Variants in GRID1 observed in about 807,000 individuals in gnomAD.
GRID1 encodes glutamate ionotropic receptor delta type subunit 1, also known as glutamate receptor ionotropic, delta-1.
In GRID1, 28 loss-of-function variants were observed where a neutral mutation model predicts 98.0. That is an observed-to-expected ratio of 0.29 (90% CI 0.21 to 0.39). The LOEUF (loss-of-function observed/expected upper bound fraction) is 0.39. Ranked by LOEUF, GRID1 falls within the 10% of genes least tolerant of loss-of-function variation. The probability of loss-of-function intolerance (pLI) is 1.00; values close to 1 mark genes in which losing one functional copy is unlikely to be tolerated. For synonymous variants in GRID1, 553 were observed against 538.5 expected (o/e 1.03, Z -0.37); for missense variants, 1,111 against 1,340.5 (o/e 0.83, Z 2.67).
At chr10:85,803,770 A>G (rs986774067) in intron 8 of GRID1, among the ~76,000 whole-genome samples, 4 of 152,066 alleles carry the variant, frequency 2.6e-5, no homozygotes, top group Non-Finnish European at 5.9e-5. Context: ...ACAAGCATCA[A>G]TACATAATAA....
At chr10:86,255,117 C>T (rs1846897641) in intron 2 of GRID1, among the ~76,000 whole-genome samples, 2 of 152,254 alleles carry the variant, frequency 1.3e-5, no homozygotes, top group Non-Finnish European at 2.9e-5. Flanking sequence ...TGTCACCCCA[C>T]ACCCTTGTCC....
intron 8 of GRID1, among the ~76,000 whole-genome samples, chr10:85,791,430 A>G (rs1392542703): frequency 6.6e-6 from 1 of 152,238 alleles, no homozygotes; most frequent in Non-Finnish European, 1.5e-5. Context: ...AAGTGAATCA[A>G]AAACTTGGAA....
chr10:85,621,861 C>A (rs950511457), intron 13 of GRID1, among the ~76,000 whole-genome samples: 4 of 152,136 alleles, frequency 2.6e-5, no homozygotes, highest in African/African-American at 7.2e-5. Context: ...AGTTTCTCAG[C>A]AAAATGTTGA....
At chr10:85,738,141 T>A (rs1206691999) in intron 8 of GRID1, among the ~76,000 whole-genome samples, 2 of 152,024 alleles carry the variant, frequency 1.3e-5, no homozygotes, top group African/African-American at 4.8e-5. Flanking sequence ...TAGGAAAATA[T>A]CAAAGATGTG....
chr10:86,058,267 G>A (rs896704392), intron 4 of GRID1, among the ~76,000 whole-genome samples: 1 of 152,172 alleles, frequency 6.6e-6, no homozygotes, highest in African/African-American at 2.4e-5. Context: ...AAGCAAGGTA[G>A]AACTCAGCTC....
chr10:85,813,643 A>G (rs1024199848), intron 8 of GRID1, among the ~76,000 whole-genome samples: 3 of 151,876 alleles, frequency 2.0e-5, no homozygotes, highest in Admixed American at 6.6e-5. Context: ...ACTTATGTTT[A>G]AAAAAATTCA....
In GRID1 at chr10:86,066,231, C is replaced by A. The variant is rs78720992; in HGVS notation, c.726+72588G>T. On this transcript the variant is annotated intron_variant, in intron 4 of 15. Transcript: ENST00000327946. ...GCCCGGCAGCCCCTTCCCAGAGAGACGAATTCAGGGATGTTGCTCCACGGT... is the reference window on the plus strand; with the variant it reads ...GCCCGGCAGCCCCTTCCCAGAGAGAAGAATTCAGGGATGTTGCTCCACGGT... Among the ~76,000 whole-genome samples, 12 of 152,184 alleles carry A rather than the reference C, an allele frequency of 7.9e-5. No individual in the cohort carries two copies. The South Asian group carries it at 1.9e-3, about 24-fold the overall frequency.
intron 2 of GRID1, among the ~76,000 whole-genome samples, chr10:86,326,941 G>A (rs1201783617): frequency 6.6e-6 from 1 of 152,218 alleles, no homozygotes; most frequent in Non-Finnish European, 1.5e-5. Flanking sequence ...TTCGAGACCA[G>A]CCTGGCCAAC....
At chr10:85,793,054 A>C (rs977127817) in intron 8 of GRID1, among the ~76,000 whole-genome samples, 2 of 152,106 alleles carry the variant, frequency 1.3e-5, no homozygotes, top group African/African-American at 4.8e-5. Context: ...CAAGTGCCAC[A>C]TATTAGCTCC....
chr10:85,613,289 C>T, intron 15 of GRID1, 118 bp downstream of exon 15: 1 of 967,840 alleles, frequency 1.0e-6, no homozygotes, highest in Non-Finnish European at 1.5e-6. Context: ...AACACTGCTG[C>T]CTCCAGACAA....
chr10:86,340,323 G>T (rs1415226933), intron 2 of GRID1, among the ~76,000 whole-genome samples: 2 of 152,194 alleles, frequency 1.3e-5, no homozygotes, highest in East Asian at 3.9e-4. Flanking sequence ...GACAGGAAAG[G>T]CTAAGGCAAC....
At chr10:85,749,463 TA>T (rs1842026271) in intron 8 of GRID1, among the ~76,000 whole-genome samples, 1 of 152,178 alleles carries the variant, frequency 6.6e-6, no homozygotes, top group African/African-American at 2.4e-5. Flanking sequence ...ATTAAGCCTC[TA>T]AAAATAACAG....
At chr10:85,661,857 T>A (rs1239573268) in intron 12 of GRID1, among the ~76,000 whole-genome samples, 1 of 152,142 alleles carries the variant, frequency 6.6e-6, no homozygotes, top group African/African-American at 2.4e-5. Context: ...AATGATTAAT[T>A]TTAGGTGGAA....
chr10:86,160,925 A>T (rs1845312962), intron 3 of GRID1, among the ~76,000 whole-genome samples: 1 of 152,232 alleles, frequency 6.6e-6, no homozygotes, highest in Non-Finnish European at 1.5e-5. Context: ...TGCTGGAAAC[A>T]AAGCATCCTT....
chr10:85,865,651 T>C (rs1291586115), intron 6 of GRID1, among the ~76,000 whole-genome samples: 3 of 151,938 alleles, frequency 2.0e-5, no homozygotes, highest in Non-Finnish European at 4.4e-5. Flanking sequence ...TAGAGTCTTC[T>C]CGATAAATCT....
At chr10:85,801,679 C>T (rs1484399539) in intron 8 of GRID1, among the ~76,000 whole-genome samples, 2 of 151,596 alleles carry the variant, frequency 1.3e-5, no homozygotes, top group Non-Finnish European at 3.0e-5. Context: ...CTACAAAGTA[C>T]ATTTAATAAA....
intron 4 of GRID1, among the ~76,000 whole-genome samples, chr10:85,919,445 TGA>T (rs879845474): frequency 4.6e-5 from 7 of 152,022 alleles, no homozygotes; most frequent in Admixed American, 6.6e-5. Context: ...GCACAGAGGC[TGA>T]GATAGATGGA....
chr10:86,075,649 G>A (rs1843870598), intron 4 of GRID1, among the ~76,000 whole-genome samples: 1 of 152,198 alleles, frequency 6.6e-6, no homozygotes, highest in Non-Finnish European at 1.5e-5. Context: ...CCCATGCCTA[G>A]ACACTGCCCG....
At chr10:85,938,020 C>A (rs984636384) in intron 4 of GRID1, among the ~76,000 whole-genome samples, 1 of 152,174 alleles carries the variant, frequency 6.6e-6, no homozygotes, top group Non-Finnish European at 1.5e-5. Flanking sequence ...ACTCTCCATC[C>A]CAGATTTATT....
Sources: allele counts gnomAD v4.1 joint callset (sites outside exome capture counted in the v4.1 genomes callset), GRCh38; gene constraint gnomAD v4.1.1; transcripts MANE v1.5; gene names NCBI Gene and HGNC (gene_info 2026-07-23, HGNC 2026-07-21).